The following MYO9A variants were observed in gnomAD, a reference collection of about 807,000 sequenced individuals.
MYO9A encodes unconventional myosin-IXa.
Under a neutral mutation model 293.3 loss-of-function variants are expected in MYO9A, and 103 were observed. The observed-to-expected ratio is 0.35, with a 90% CI of 0.30 to 0.41. The LOEUF (loss-of-function observed/expected upper bound fraction) is 0.41. Among genes scored for constraint, MYO9A ranks in the 10% least tolerant of loss-of-function variants. The pLI is 1.00. For synonymous variants in MYO9A, 1,001 were observed against 1,035.7 expected (o/e 0.97, Z 0.64); for missense variants, 2,685 against 3,033.0 (o/e 0.89, Z 2.69).
At chr15:71,947,709 G>A (rs1436796615) in intron 15 of MYO9A, among the ~76,000 whole-genome samples, 1 of 152,178 alleles carries the variant, frequency 6.6e-6, no homozygotes, top group Admixed American at 6.5e-5. Flanking sequence ...GGCACTGTCA[G>A]CATGGTGAGG....
intron 1 of MYO9A, among the ~76,000 whole-genome samples, chr15:72,067,870 C>T (rs545898544): frequency 6.6e-6 from 1 of 152,184 alleles, no homozygotes; most frequent in African/African-American, 2.4e-5. Context: ...TATTAAAAAT[C>T]TTTTAAGGCT....
intron 4 of MYO9A, among the ~76,000 whole-genome samples, chr15:72,021,830 T>C (rs1164665649): frequency 2.0e-5 from 3 of 152,150 alleles, no homozygotes; most frequent in Admixed American, 6.5e-5. Context: ...CAGGGTTGTG[T>C]GTGCTCTCAG....
At chr15:71,862,640 TAAA>T in intron 32 of MYO9A, 29 bp from the exon 33 acceptor site, 6 of 1,452,252 alleles carry the variant, frequency 4.1e-6, no homozygotes, top group Non-Finnish European at 4.8e-6. Context: ...CTACTTATAT[TAAA>T]GCCAACACAG....
At chr15:72,063,717 A>C (rs73436327) in intron 1 of MYO9A, among the ~76,000 whole-genome samples, 3,223 of 152,324 alleles carry the variant, frequency 0.021, 113 homozygotes, top group African/African-American at 0.075. Context: ...AATGTAAATT[A>C]ATACAGCCAC....
chr15:72,042,726 T>A (rs2078263092), intron 2 of MYO9A, among the ~76,000 whole-genome samples: 1 of 150,272 alleles, frequency 6.7e-6, no homozygotes, highest in Admixed American at 6.6e-5. Context: ...TTCACAGACA[T>A]GACTGACTAT....
chr15:71,968,801 G>C (rs1301427267), intron 12 of MYO9A, among the ~76,000 whole-genome samples: 1 of 152,082 alleles, frequency 6.6e-6, no homozygotes, highest in Non-Finnish European at 1.5e-5. Flanking sequence ...TTAAAGGTTG[G>C]GAAGGGTTTC....
chr15:71,952,140 G>T (rs1382105174), intron 14 of MYO9A, among the ~76,000 whole-genome samples: 1 of 152,064 alleles, frequency 6.6e-6, no homozygotes, highest in Non-Finnish European at 1.5e-5. Flanking sequence ...TCAAAGTATT[G>T]TTAGTTAACA....
intron 12 of MYO9A, among the ~76,000 whole-genome samples, chr15:71,973,893 G>C (rs939636712): frequency 6.6e-6 from 1 of 152,132 alleles, no homozygotes; most frequent in Non-Finnish European, 1.5e-5. Flanking sequence ...AATAAGAACT[G>C]TTCTTTTTGT....
At chr15:71,881,675 C>T (rs1315110888) in intron 28 of MYO9A, among the ~76,000 whole-genome samples, 1 of 152,026 alleles carries the variant, frequency 6.6e-6, no homozygotes, top group Non-Finnish European at 1.5e-5. Flanking sequence ...ACAAGGCCTA[C>T]CTTAATACAT....
At chr15:71,877,981 C>T (rs542997907) in intron 31 of MYO9A, 59 bp downstream of exon 31, 83 of 1,410,020 alleles carry the variant, frequency 5.9e-5, no homozygotes, top group Middle Eastern at 2.4e-4. Context: ...ATGTCCCAAA[C>T]GCTCTTAAAA....
rs896705133 is a variant in MYO9A, at chr15:71,897,860, T to C, written c.4643A>G (p.Tyr1548Cys). The C allele has an allele frequency of 5.0e-6, 8 of 1,614,006 alleles. No individual in the cohort carries two copies. Among genetic ancestry groups the C allele is most frequent in the Admixed American group, 1.7e-5 (1 of 59,988 alleles). ...CCTCTCTACTCTTTGCTTTGACTGATAGGAAGATGGTGCCACCAAACACTC... is the reference window on the plus strand; with the variant it reads ...CCTCTCTACTCTTTGCTTTGACTGACAGGAAGATGGTGCCACCAAACACTC... ...IGECLVAPSS[Y>C]QSKQRVERPS... The change falls in exon 25 of 42, where the codon TAT becomes TGT. Residue 1548 changes from tyrosine to cysteine, a missense_variant. This residue lies in a region of MYO9A where 1,434 missense variants were observed against 1,497.7 expected (regional missense o/e 0.96). Transcript: ENST00000356056.
Position 71,859,756 on chromosome 15 carries a change from G to C in MYO9A, c.6132C>G (p.Thr2044=). The C allele has an allele frequency of 6.2e-7, 1 of 1,613,184 alleles. No individual in the cohort carries two copies. Among genetic ancestry groups the C allele is most frequent in the Non-Finnish European group, 8.5e-7 (1 of 1,179,516 alleles). The change falls in exon 34 of 42, where the codon ACC becomes ACG. Residue 2044 remains threonine (T), a synonymous_variant. Coordinates refer to ENST00000356056, the MANE Select transcript of MYO9A (RefSeq NM_006901.4). ...YACHKKCCLK[T]TAKCSKKYDP... Reference sequence around the variant, plus strand: ...TTACCTTTTTAGAGCACTTGGCTGTGGTTTTCAGACAGCACTTCTTATGGC... The same window carrying C: ...TTACCTTTTTAGAGCACTTGGCTGTCGTTTTCAGACAGCACTTCTTATGGC...
chr15:71,855,587 TCCTTCTCCTGTA>T (rs1362892656), intron 34 of MYO9A, among the ~76,000 whole-genome samples: 1 of 152,190 alleles, frequency 6.6e-6, no homozygotes, highest in Non-Finnish European at 1.5e-5. Flanking sequence ...AATCTGTCTT[TCCTTCTCCTGTA>T]CCATTGTCCT....
At chr15:72,018,785 G>A (rs1050864025) in intron 6 of MYO9A, among the ~76,000 whole-genome samples, 8 of 152,122 alleles carry the variant, frequency 5.3e-5, no homozygotes, top group South Asian at 2.1e-4. Flanking sequence ...AATGTTTGTC[G>A]AAATAAATAT....
At chr15:72,037,150 T>G (rs565809924) in intron 2 of MYO9A, among the ~76,000 whole-genome samples, 1 of 151,322 alleles carries the variant, frequency 6.6e-6, no homozygotes, top group Non-Finnish European at 1.5e-5. Flanking sequence ...AAACAGCCTC[T>G]TCACACTCCC....
intron 15 of MYO9A, among the ~76,000 whole-genome samples, chr15:71,939,596 C>T (rs2058721857): frequency 6.6e-6 from 1 of 152,136 alleles, no homozygotes; most frequent in East Asian, 1.9e-4. Context: ...TTTAGCCATA[C>T]ATTTCTGACA....
rs1276150543 is a variant in MYO9A at position 71,938,942 on chromosome 15, A to C, written c.2303-15T>G. On this transcript the variant is annotated splice_polypyrimidine_tract_variant and intron_variant, in intron 15 of 41. Coordinates refer to ENST00000356056, the MANE Select transcript of MYO9A (RefSeq NM_006901.4). ...CCGGGTTATACCTAGCAAAATTTAAAAAACAGAAAATTTCAAATCAGTGCA... is the reference window on the plus strand; with the variant it reads ...CCGGGTTATACCTAGCAAAATTTAACAAACAGAAAATTTCAAATCAGTGCA... 6.3e-7 allele frequency: 1 copy of C among 1,589,660 alleles called. No homozygotes were observed. Among genetic ancestry groups the C allele is most frequent in the African/African-American group, 1.4e-5 (1 of 73,796 alleles).
chr15:71,834,370 A>C (rs2054852659), intron 39 of MYO9A, among the ~76,000 whole-genome samples: 1 of 152,180 alleles, frequency 6.6e-6, no homozygotes, highest in Non-Finnish European at 1.5e-5. Flanking sequence ...AGTGGCAAAG[A>C]AGAAGAAATA....
intron 15 of MYO9A, among the ~76,000 whole-genome samples, chr15:71,948,557 A>C (rs901477296): frequency 2.6e-5 from 4 of 152,160 alleles, no homozygotes; most frequent in Non-Finnish European, 5.9e-5. Context: ...GGCTCCCTTC[A>C]CAGAAGAGAT....
Sources: allele counts gnomAD v4.1 joint callset (sites outside exome capture counted in the v4.1 genomes callset), GRCh38; gene constraint gnomAD v4.1.1; regional missense constraint gnomAD v4.1.1; transcripts MANE v1.5; gene names NCBI Gene and HGNC (gene_info 2026-07-23, HGNC 2026-07-21).